The following DPP6 variants were observed in gnomAD, a reference collection of about 807,000 sequenced individuals.
DPP6 encodes A-type potassium channel modulatory protein DPP6.
Under a neutral mutation model 122.6 loss-of-function variants are expected in DPP6, and 69 were observed. That is an observed-to-expected ratio of 0.56 (90% confidence interval 0.46 to 0.69). DPP6 has a LOEUF of 0.69. Among genes scored for constraint, DPP6 ranks in the 30% least tolerant of loss-of-function variants. The pLI is 0.00. For synonymous variants in DPP6, 418 were observed against 433.1 expected, an observed-to-expected ratio of 0.97 and a Z score of 0.43; for missense variants, 928 against 1,116.9, an observed-to-expected ratio of 0.83 and a Z score of 2.41.
chr7:154,620,036 G>C (rs146101758), intron 5 of DPP6, among the ~76,000 whole-genome samples: 3 of 152,124 alleles, frequency 2.0e-5, no homozygotes, highest in Non-Finnish European at 4.4e-5. Flanking sequence ...CCAGGAATCC[G>C]CACATTTCAC....
At chr7:154,071,556 T>C (rs1337656845) in intron 1 of DPP6, among the ~76,000 whole-genome samples, 5 of 152,180 alleles carry the variant, frequency 3.3e-5, no homozygotes, top group Non-Finnish European at 7.3e-5. Context: ...TTTCCAAACA[T>C]ACGGAAAAGT....
At chr7:154,187,923 T>C (rs534866129) in intron 1 of DPP6, among the ~76,000 whole-genome samples, 1 of 152,294 alleles carries the variant, frequency 6.6e-6, no homozygotes, top group East Asian at 1.9e-4. Flanking sequence ...TATCAATACA[T>C]GCTCAATAAA....
At chr7:154,803,391 C>T (rs938891828) in intron 13 of DPP6, among the ~76,000 whole-genome samples, 5 of 152,172 alleles carry the variant, frequency 3.3e-5, no homozygotes, top group African/African-American at 9.7e-5. Context: ...TCCAAACTGT[C>T]CTTGTCAGTG....
chr7:154,584,467 G>A (rs1371409714), intron 5 of DPP6, among the ~76,000 whole-genome samples: 1 of 152,214 alleles, frequency 6.6e-6, no homozygotes, highest in African/African-American at 2.4e-5. Context: ...AAGGTGGCTT[G>A]GGACATGGCT....
chr7:154,189,590 G>C (rs533624229), intron 1 of DPP6, among the ~76,000 whole-genome samples: 1 of 152,154 alleles, frequency 6.6e-6, no homozygotes, highest in Non-Finnish European at 1.5e-5. Flanking sequence ...GGGTTGCAGT[G>C]GTACATTTGG....
rs534508984 is a variant in DPP6, at chr7:153,982,905, T to C, written c.51+95171T>C. ...AGAACAGCAAAGATTGCTGCCTGCTTCTTCTTCTGGAAGCTTGGTCCCAGA... is the reference window on the plus strand; with the variant it reads ...AGAACAGCAAAGATTGCTGCCTGCTCCTTCTTCTGGAAGCTTGGTCCCAGA... On this transcript the variant is annotated intron_variant, in intron 1 of 25. Transcript: ENST00000404039. Among the ~76,000 whole-genome samples the C allele has an allele frequency of 3.9e-3, 597 of 152,156 alleles. 3 individuals are homozygous for C. Among genetic ancestry groups the C allele is most frequent in the African/African-American group, 0.013 (560 of 41,558 alleles).
chr7:154,242,943 T>C (rs1196901339), intron 1 of DPP6, among the ~76,000 whole-genome samples: 1 of 152,158 alleles, frequency 6.6e-6, no homozygotes, highest in African/African-American at 2.4e-5. Context: ...TCAGCCAGAA[T>C]GGAGAGAACT....
chr7:154,431,036 A>G (rs1818319500), intron 1 of DPP6, among the ~76,000 whole-genome samples: 1 of 152,176 alleles, frequency 6.6e-6, no homozygotes, highest in African/African-American at 2.4e-5. Flanking sequence ...TGGCACCCAG[A>G]GAGAAGACAT....
the DPP6 span, among the ~76,000 whole-genome samples, chr7:153,817,893 G>A: frequency 5.3e-5 from 8 of 151,024 alleles, no homozygotes; most frequent in African/African-American, 1.2e-4. Flanking sequence ...TTGTGCACAC[G>A]AACCCTAGAA....
intron 1 of DPP6, among the ~76,000 whole-genome samples, chr7:153,891,370 A>G (rs989176690): frequency 3.3e-5 from 5 of 152,180 alleles, no homozygotes; most frequent in Middle Eastern, 3.2e-3. Context: ...TCATAAACTT[A>G]TAATACTGTG....
chr7:153,998,225 A>G (rs183667315), intron 1 of DPP6, among the ~76,000 whole-genome samples: 59 of 152,338 alleles, frequency 3.9e-4, no homozygotes, highest in African/African-American at 1.4e-3. Flanking sequence ...AAAGTTGACT[A>G]TGCTTAGAAA....
At position 154,433,136 on chromosome 7, in the gene DPP6, G is replaced by GTTTTTTTTTTTTTTTTT. The variant is rs548053204; in HGVS notation, c.244-13067_244-13051dup. On this transcript the variant is annotated intron_variant, in intron 1 of 25. Coordinates refer to ENST00000377770, the MANE Select transcript of DPP6 (RefSeq NM_130797.4). Reference sequence around the variant, plus strand: ...TAATGGCTCTCATACTAGACTGCAAGTTTTTTTTTTTTTTTTTTTTTTTTT... The same window carrying GTTTTTTTTTTTTTTTTT: ...TAATGGCTCTCATACTAGACTGCAAGTTTTTTTTTTTTTTTTTTTTTTTTTTTTTTTTTTTTTTTTTT... Among the ~76,000 whole-genome samples the GTTTTTTTTTTTTTTTTT allele has an allele frequency of 1.2e-4, 9 of 72,348 alleles. 2 individuals carry two copies. The highest frequency in any genetic ancestry group is 5.3e-4 in the African/African-American group (9 of 16,826). The allele number at this position is 72,348 out of a possible 152,430, so 47.5% of individuals were successfully genotyped here.
chr7:153,843,284 A>G, the DPP6 span, among the ~76,000 whole-genome samples: 646 of 151,886 alleles, frequency 4.3e-3, 6 homozygotes, highest in African/African-American at 0.014. Flanking sequence ...GCGCGCGCAC[A>G]CACACACACA....
At chr7:153,846,955 G>A in the DPP6 span, among the ~76,000 whole-genome samples, 2 of 152,098 alleles carry the variant, frequency 1.3e-5, no homozygotes, top group South Asian at 2.1e-4. Context: ...CCAAAGTGCT[G>A]GAGTTACAGG....
rs377294652 is a variant in DPP6 at position 153,985,859 on chromosome 7, T to G, written c.51+98125T>G. ...TGACATTCTGGAACAAAAATCTAAC[T>G]ATGAAAAAGAAAACTCTTTATTTCA... On this transcript the variant is annotated intron_variant, in intron 1 of 25. Transcript: ENST00000404039. Among the ~76,000 whole-genome samples, 16 of 152,302 alleles carry G rather than the reference T, an allele frequency of 1.1e-4. 1 individual carries two copies. In the South Asian group the frequency reaches 3.3e-3, roughly 32 times the overall value.
chr7:154,527,314 T>TGG (rs1343986786), intron 3 of DPP6, among the ~76,000 whole-genome samples: 1 of 152,208 alleles, frequency 6.6e-6, no homozygotes, highest in African/African-American at 2.4e-5. Flanking sequence ...CTTTGACCTT[T>TGG]GGGCTCAGAT....
intron 1 of DPP6, among the ~76,000 whole-genome samples, chr7:154,159,349 T>G (rs1301570954): frequency 6.6e-6 from 1 of 152,232 alleles, no homozygotes; most frequent in Non-Finnish European, 1.5e-5. Context: ...ATGTTAGGTC[T>G]GATCTGCTGT....
At chr7:154,169,007 G>A (rs995397776) in intron 1 of DPP6, among the ~76,000 whole-genome samples, 3 of 152,200 alleles carry the variant, frequency 2.0e-5, no homozygotes, top group Non-Finnish European at 2.9e-5. Context: ...CAAAGCTGTG[G>A]AGTGGCAAGA....
intron 1 of DPP6, among the ~76,000 whole-genome samples, chr7:154,013,462 T>TC (rs1554434181): frequency 9.4e-5 from 14 of 149,026 alleles, no homozygotes; most frequent in South Asian, 4.2e-4. Flanking sequence ...TCTTTTCTTT[T>TC]TTTTTTTTTT....
Sources: gnomAD v4.1 joint callset for allele counts (sites outside exome capture counted in the v4.1 genomes callset) on GRCh38, gnomAD v4.1.1 for gene constraint, MANE v1.5 for transcripts, NCBI Gene and HGNC (gene_info 2026-07-23, HGNC 2026-07-21) for gene names.